USP16: variants seen among roughly 807,000 people sequenced by gnomAD.
The protein encoded by USP16 is ubiquitin specific peptidase 16, also known as ubiquitin carboxyl-terminal hydrolase 16.
In USP16, 77 loss-of-function variants were observed where a neutral mutation model predicts 95.9. That is an observed-to-expected ratio of 0.80 (90% CI 0.67 to 0.97). USP16 has a LOEUF of 0.97. USP16 is among the 50% of genes least tolerant of loss of function. The pLI is 0.00. For synonymous variants in USP16, 303 were observed against 318.2 expected, an observed-to-expected ratio of 0.95 and a Z score of 0.51; for missense variants, 943 against 959.9, an observed-to-expected ratio of 0.98 and a Z score of 0.23.
chr21:29,048,665 T>G, intron 14 of USP16, 96 bp from the exon 15 acceptor site: 1 of 966,722 alleles, frequency 1.0e-6, no homozygotes, highest in Non-Finnish European at 1.5e-6. Context: ...TTACTGATCC[T>G]TGCTTTAGAT....
Position 29,027,989 on chromosome 21 carries a change from T to C in USP16, c.61+15T>C, listed in dbSNP as rs948150552. On this transcript the variant is annotated intron_variant, in intron 2 of 17. Transcript: ENST00000399976. ...TGAAACTTTAGGTATATTTCATTGA[T>C]TGAATCTTTAATGTTTATATCTCTA... The C allele has an allele frequency of 2.5e-6, 4 of 1,577,724 alleles. No individual in the cohort carries two copies. Among genetic ancestry groups the C allele is most frequent in the African/African-American group, 2.7e-5 (2 of 74,182 alleles).
chr21:29,040,039 T>TTA (rs2085220309), intron 9 of USP16, among the ~76,000 whole-genome samples: 1 of 152,248 alleles, frequency 6.6e-6, no homozygotes, highest in South Asian at 2.1e-4. Context: ...GGGGTATGAA[T>TTA]TAATGAGTAC....
Position 29,039,704 on chromosome 21 carries a change from TTTTTCAACTAGTATG to T in USP16, c.951+143_951+157del, listed in dbSNP as rs1469802465. 3 of 668,748 alleles carry T rather than the reference TTTTTCAACTAGTATG, an allele frequency of 4.5e-6. No individual in the cohort carries two copies. The Admixed American group carries it at 9.1e-5, about 20-fold the overall frequency. 41.4% of individuals were successfully genotyped at this position (668,748 alleles called of 1,614,324 possible). ...CTTTAAAATTTTTTCTTACACCAGC[TTTTTCAACTAGTATG>T]TTTTCACCATTAGAATGAATCCAGA... On this transcript the variant is annotated intron_variant, in intron 9 of 17. Coordinates refer to ENST00000399976, the MANE Select transcript of USP16 (RefSeq NM_006447.3).
intron 13 of USP16, 104 bp downstream of exon 13, chr21:29,043,703 C>T (rs1227736981): frequency 9.5e-7 from 1 of 1,047,316 alleles, no homozygotes; most frequent in African/African-American, 1.6e-5. Context: ...ATTTTAGATA[C>T]AGCACTTTCA....
intron 5 of USP16, among the ~76,000 whole-genome samples, chr21:29,036,843 G>A (rs2085164423): frequency 6.6e-6 from 1 of 152,158 alleles, no homozygotes; most frequent in African/African-American, 2.4e-5. Flanking sequence ...ATTGTCACAA[G>A]TATCTTTGTC....
In USP16 at chr21:29,039,130, A is replaced by G. The variant is rs2085205876; in HGVS notation, c.837A>G (p.Lys279=). Residue 279 remains lysine, a synonymous_variant, in exon 8 of 18, where the codon AAA becomes AAG. Transcript: ENST00000399976. The part of the protein sequence containing the change: ...QETKKGVVTP[K]ELFSQVCKKA... ...CCAAAAAGGGGGTTGTGACACCGAA[A>G]GAACTCTTTTCTCAGGTCTGTAAAA... 3.2e-6 allele frequency: 5 copies of G among 1,580,772 alleles called. No individual in the cohort carries two copies. The East Asian group carries it at 1.2e-4, about 37-fold the overall frequency.
At chr21:29,025,817 G>T (rs1212093404) in intron 1 of USP16, 1 of 723,066 alleles carries the variant, frequency 1.4e-6, no homozygotes, top group South Asian at 6.2e-5. Context: ...ATTTCTTCAG[G>T]ACCTGCTATG....
At position 29,050,136 on chromosome 21, in the gene USP16, G is replaced by A. The variant is rs757466172; in HGVS notation, c.2151G>A (p.Pro717=). The A allele has an allele frequency of 1.4e-5, 23 of 1,613,314 alleles. No individual in the cohort carries two copies. The highest frequency in any genetic ancestry group is 2.2e-5 in the East Asian group (1 of 44,870). The change falls in exon 16 of 18, where the codon CCG becomes CCA. Residue 717 remains proline (P), a synonymous_variant. Transcript: ENST00000399976. ...LRKVNKHIKF[P]EILDLAPFCT... is the part of the protein sequence containing the mutation. ...AAGTTAACAAACACATAAAGTTTCC[G>A]GAAATCTTAGATTTGGCTCCTTTTT...
chr21:29,047,834 T>C (rs1468919482), intron 14 of USP16, among the ~76,000 whole-genome samples: 2 of 151,978 alleles, frequency 1.3e-5, no homozygotes, highest in Non-Finnish European at 2.9e-5. Context: ...CTAAGGATTT[T>C]TAGTAGAATT....
At chr21:29,040,418 A>G (rs995497642) in intron 9 of USP16, among the ~76,000 whole-genome samples, 191 bp from the exon 10 acceptor site, 7 of 152,170 alleles carry the variant, frequency 4.6e-5, no homozygotes, top group African/African-American at 9.7e-5. Flanking sequence ...CCTTTATTCA[A>G]TGGTTAGTGA....
intron 16 of USP16, chr21:29,052,373 C>T (rs1204741018): frequency 6.6e-6 from 1 of 152,378 alleles, no homozygotes; most frequent in African/African-American, 2.4e-5. Flanking sequence ...GCCTCACAGT[C>T]ATGGCGGAAG....
intron 3 of USP16, among the ~76,000 whole-genome samples, chr21:29,031,502 A>C (rs1234540397): frequency 2.0e-5 from 3 of 152,144 alleles, no homozygotes; most frequent in Non-Finnish European, 4.4e-5. Context: ...GCAGTGGCAC[A>C]ATCTTGGCTC....
intron 3 of USP16, among the ~76,000 whole-genome samples, chr21:29,032,719 T>C (rs2085095459): frequency 6.6e-6 from 1 of 152,222 alleles, no homozygotes; most frequent in African/African-American, 2.4e-5. Flanking sequence ...ATAAAGCTGC[T>C]GTTAACATTT....
Position 29,053,856 on chromosome 21 carries a change from CACAGTGGT to C in USP16, c.2251_2258del (p.Ser751TyrfsTer17), listed in dbSNP as rs775618153. ...CTATTCCTTATATGGAGTTGTTGAA[CACAGTGGT>C]ACTATGAGGTCGGGGCATTACACTG... On this transcript the variant is annotated frameshift_variant, in exon 17 of 18. Coordinates refer to ENST00000399976, the MANE Select transcript of USP16 (RefSeq NM_006447.3). LOFTEE classifies it high-confidence loss of function. 7 of 1,614,096 alleles carry C rather than the reference CACAGTGGT, an allele frequency of 4.3e-6. No homozygotes were observed. The South Asian group carries it at 7.7e-5, about 18-fold the overall frequency.
intron 16 of USP16, 22 bp from the exon 17 acceptor site, chr21:29,053,780 T>C: frequency 1.2e-6 from 2 of 1,607,764 alleles, no homozygotes; most frequent in Non-Finnish European, 8.5e-7. Flanking sequence ...AACTAACTTT[T>C]GGATTCTACT....
rs962199946 is a variant in USP16, at chr21:29,037,530, A to G, written c.636+67A>G. ...CCTCATAGAATCTGCTACTTACATT[A>G]TTGAGTTTTTTCCACCTGAGTAATT... On this transcript the variant is annotated intron_variant, in intron 6 of 17. Coordinates refer to ENST00000399976, the MANE Select transcript of USP16 (RefSeq NM_006447.3). The G allele has an allele frequency of 4.7e-5, 54 of 1,144,606 alleles. 1 individual carries two copies. In the African/African-American group the frequency reaches 8.2e-4, roughly 17 times the overall value. The allele number at this position is 1,144,606 out of a possible 1,614,324, so 70.9% of individuals were successfully genotyped here.
At chr21:29,043,170 C>T (rs1164096968) in intron 12 of USP16, 4 of 247,858 alleles carry the variant, frequency 1.6e-5, no homozygotes, top group East Asian at 6.8e-5. Context: ...TAATAAATTT[C>T]GTTATATTTC....
rs769662343 is a variant in USP16 at position 29,050,190 on chromosome 21, TG to T, written c.2193+14del. On this transcript the variant is annotated intron_variant, in intron 16 of 17. Coordinates refer to ENST00000399976, the MANE Select transcript of USP16 (RefSeq NM_006447.3). Reference sequence around the variant, plus strand: ...CCCTTAAATGTAAGGTAAGTCAAAGTGGTCTTTTTCAGGAAAGTCCTTTAAA... The same window carrying T: ...CCCTTAAATGTAAGGTAAGTCAAAGTGTCTTTTTCAGGAAAGTCCTTTAAA... 1 of 1,610,334 alleles carries T rather than the reference TG, an allele frequency of 6.2e-7. No individual in the cohort carries two copies. The highest frequency in any genetic ancestry group is 8.5e-7 in the Non-Finnish European group (1 of 1,179,036).
In USP16 at chr21:29,039,718, T is replaced by C. The variant is rs949818198; in HGVS notation, c.951+150T>C. ...CTTACACCAGCTTTTTCAACTAGTATGTTTTCACCATTAGAATGAATCCAG... is the reference window on the plus strand; with the variant it reads ...CTTACACCAGCTTTTTCAACTAGTACGTTTTCACCATTAGAATGAATCCAG... On this transcript the variant is annotated intron_variant, in intron 9 of 17. Transcript: ENST00000399976. The C allele has an allele frequency of 2.0e-5, 12 of 606,070 alleles. No homozygotes were observed. In the Admixed American group the frequency reaches 2.8e-4, roughly 14 times the overall value. 37.5% of individuals were successfully genotyped at this position (606,070 alleles called of 1,614,324 possible).
Sources: allele counts gnomAD v4.1 joint callset (sites outside exome capture counted in the v4.1 genomes callset), GRCh38; gene constraint gnomAD v4.1.1; transcripts MANE v1.5; gene names NCBI Gene and HGNC (gene_info 2026-07-23, HGNC 2026-07-21).